Variants in TBL1XR1 observed in about 807,000 individuals in gnomAD.
The protein encoded by TBL1XR1 is TBL1X/Y related 1.
Under a neutral mutation model 66.9 loss-of-function variants are expected in TBL1XR1, and 5 were observed. The ratio of observed to expected loss-of-function variants is 0.07; its 90% CI spans 0.04 to 0.16. The LOEUF is 0.16. Among genes scored for constraint, TBL1XR1 ranks in the 10% least tolerant of loss-of-function variants. The pLI, the probability that TBL1XR1 is intolerant of heterozygous loss-of-function variation, is 1.00. For missense variants in TBL1XR1, 238 were observed against 623.2 expected, an observed-to-expected ratio of 0.38 and a Z score of 6.58; for synonymous variants, 210 against 206.0, an observed-to-expected ratio of 1.02 and a Z score of -0.17.
chr3:177,188,881 T>A (rs370913618), intron 1 of TBL1XR1, among the ~76,000 whole-genome samples: 37 of 152,356 alleles, frequency 2.4e-4, no homozygotes, highest in African/African-American at 8.7e-4. Flanking sequence ...TGATTCAAAA[T>A]CATGCTGAAA....
intron 1 of TBL1XR1, among the ~76,000 whole-genome samples, chr3:177,164,267 T>C (rs1732563524): frequency 6.6e-6 from 1 of 152,176 alleles, no homozygotes; most frequent in Non-Finnish European, 1.5e-5. Context: ...TATCCGAGTA[T>C]TCCCTCCTGC....
intron 1 of TBL1XR1, chr3:177,171,241 G>A (rs1733453750): frequency 6.6e-6 from 1 of 152,184 alleles, no homozygotes; most frequent in Non-Finnish European, 1.5e-5. Flanking sequence ...TCGGGAGACT[G>A]AGGCAGGAGA....
At chr3:177,092,924 T>C (rs770439277) in intron 2 of TBL1XR1, among the ~76,000 whole-genome samples, 1 of 152,044 alleles carries the variant, frequency 6.6e-6, no homozygotes. Flanking sequence ...ATATGTGGTA[T>C]GACTTCTATT....
chr3:177,097,695 A>G (rs1267348006), intron 2 of TBL1XR1, among the ~76,000 whole-genome samples: 1 of 152,226 alleles, frequency 6.6e-6, no homozygotes, highest in Admixed American at 6.5e-5. Context: ...TTAAATGCAC[A>G]TAACTAAAAA....
At chr3:177,114,841 G>A (rs1224173904) in intron 1 of TBL1XR1, among the ~76,000 whole-genome samples, 3 of 151,866 alleles carry the variant, frequency 2.0e-5, no homozygotes. Flanking sequence ...TAGCTGGGCA[G>A]GGTGGCATGC....
At chr3:177,156,276 G>A (rs1049008022) in intron 1 of TBL1XR1, among the ~76,000 whole-genome samples, 3 of 151,020 alleles carry the variant, frequency 2.0e-5, no homozygotes, top group African/African-American at 7.3e-5. Flanking sequence ...CAAGAAGGGC[G>A]GATCTGACAT....
intron 1 of TBL1XR1, among the ~76,000 whole-genome samples, chr3:177,132,331 C>CA (rs1728402776): frequency 1.3e-5 from 2 of 152,314 alleles, no homozygotes; most frequent in Non-Finnish European, 2.9e-5. Context: ...TATGGCCCTA[C>CA]AGAAGGGGGA....
At chr3:177,198,580 G>T (rs1346473822), upstream of TBL1XR1, among the ~76,000 whole-genome samples, 1 of 152,088 alleles carries the variant, frequency 6.6e-6, no homozygotes, top group Admixed American at 6.6e-5. Flanking sequence ...AAGCAAATGG[G>T]GTGGTAATCT....
intron 1 of TBL1XR1, among the ~76,000 whole-genome samples, chr3:177,140,768 G>A (rs1317129): frequency 0.55 from 83,346 of 152,062 alleles, 23,200 homozygotes; most frequent in African/African-American, 0.64. Flanking sequence ...AGTCATAACA[G>A]TAATTGTTTT....
chr3:177,047,054 C>T (rs986684152), intron 9 of TBL1XR1, among the ~76,000 whole-genome samples: 5 of 152,066 alleles, frequency 3.3e-5, no homozygotes, highest in South Asian at 2.1e-4. Flanking sequence ...AAGTGCAGGA[C>T]GTATGACATT....
At chr3:177,038,589 A>G (rs1715137065) in intron 10 of TBL1XR1, 155 bp from the exon 11 acceptor site, 2 of 711,924 alleles carry the variant, frequency 2.8e-6, no homozygotes, top group Non-Finnish European at 4.1e-6. Flanking sequence ...AATTAAAATA[A>G]AAGTATCTAT....
Position 177,023,025 on chromosome 3 carries a change from GAAAA to G in TBL1XR1, c.*2469_*2472del, listed in dbSNP as rs58640664. 6.9e-6 allele frequency: 1 copy of G among 144,976 alleles called. No homozygotes were observed. The highest frequency in any genetic ancestry group is 6.9e-5 in the Admixed American group (1 of 14,512). 9.0% of individuals were successfully genotyped at this position (144,976 alleles called of 1,614,324 possible). A position where few individuals can be genotyped will look rare whatever the true frequency, so the allele number is the denominator to read the frequency against. ...AAGTAAAATAGCTAAAGAAAAAAAA[GAAAA>G]AAAAAACAGAAAAGATGACAATATC... On this transcript the variant is annotated 3_prime_UTR_variant, in exon 16 of 16. Transcript: ENST00000457928.
At chr3:177,095,277 G>A (rs1333630786) in intron 2 of TBL1XR1, among the ~76,000 whole-genome samples, 1 of 151,958 alleles carries the variant, frequency 6.6e-6, no homozygotes, top group South Asian at 2.1e-4. Flanking sequence ...TGGGTATACG[G>A]TTTTGGTTTT....
intron 1 of TBL1XR1, among the ~76,000 whole-genome samples, chr3:177,170,740 G>T (rs1733362960): frequency 6.6e-6 from 1 of 152,026 alleles, no homozygotes; most frequent in South Asian, 2.1e-4. Flanking sequence ...AAGTACCTGG[G>T]AATACAGGCA....
chr3:177,160,174 TG>T (rs1448031207), intron 1 of TBL1XR1, among the ~76,000 whole-genome samples: 3 of 152,026 alleles, frequency 2.0e-5, no homozygotes, highest in Non-Finnish European at 2.9e-5. Flanking sequence ...TTGCAAACCA[TG>T]TAAGTAGAAG....
At chr3:177,185,600 T>G (rs562973326) in intron 1 of TBL1XR1, among the ~76,000 whole-genome samples, 1 of 115,512 alleles carries the variant, frequency 8.7e-6, no homozygotes, top group African/African-American at 3.0e-5. Flanking sequence ...AGAATGAGAC[T>G]GTTTCCAAAA....
At chr3:177,143,443 G>C (rs575171104) in intron 1 of TBL1XR1, among the ~76,000 whole-genome samples, 1 of 152,268 alleles carries the variant, frequency 6.6e-6, no homozygotes, top group African/African-American at 2.4e-5. Context: ...CCACTTTAAT[G>C]TGATTTTAAA....
intron 10 of TBL1XR1, 97 bp downstream of exon 10, chr3:177,046,032 G>T: frequency 1.1e-6 from 1 of 945,904 alleles, no homozygotes; most frequent in Non-Finnish European, 1.6e-6. Flanking sequence ...ACTGATACTT[G>T]ATATTTCAAC....
intron 1 of TBL1XR1, among the ~76,000 whole-genome samples, chr3:177,154,823 G>A (rs201097285): frequency 6.6e-6 from 1 of 152,058 alleles, no homozygotes; most frequent in Admixed American, 6.6e-5. Context: ...CGTATTTACA[G>A]AAAACATCCG....
Sources: gnomAD v4.1 joint callset for allele counts (sites outside exome capture counted in the v4.1 genomes callset) on GRCh38, gnomAD v4.1.1 for gene constraint, MANE v1.5 for transcripts, NCBI Gene and HGNC (gene_info 2026-07-23, HGNC 2026-07-21) for gene names.